TXK: variants seen among roughly 807,000 people sequenced by gnomAD.
TXK encodes the protein TXK tyrosine kinase.
Under a neutral mutation model 81.0 loss-of-function variants are expected in TXK, and 60 were observed. The ratio of observed to expected loss-of-function variants is 0.74; its 90% confidence interval spans 0.60 to 0.92. The LOEUF is 0.92. Ranked by LOEUF, TXK falls within the 40% of genes least tolerant of loss-of-function variation. The pLI, the probability that TXK is intolerant of heterozygous loss-of-function variation, is 0.00. For missense variants in TXK, 581 were observed against 638.3 expected, an observed-to-expected ratio of 0.91 and a Z score of 0.97; for synonymous variants, 203 against 210.7, an observed-to-expected ratio of 0.96 and a Z score of 0.32.
intron 9 of TXK, among the ~76,000 whole-genome samples, chr4:48,087,444 T>A (rs1567218): frequency 0.3 from 45,871 of 151,552 alleles, 8,162 homozygotes; most frequent in Admixed American, 0.39. Context: ...TATTATTATT[T>A]TTTTTTTTGG....
chr4:48,090,680 G>C (rs991742446), intron 8 of TXK, among the ~76,000 whole-genome samples: 1 of 152,210 alleles, frequency 6.6e-6, no homozygotes, highest in Non-Finnish European at 1.5e-5. Context: ...TAGGGAACAA[G>C]ACTGATGATT....
At chr4:48,076,580 C>A in intron 11 of TXK, 114 bp from the exon 12 acceptor site, 1 of 759,870 alleles carries the variant, frequency 1.3e-6, no homozygotes, top group Non-Finnish European at 2.2e-6. Context: ...TGTGTACCGC[C>A]AAGTCATTTT....
chr4:48,110,489 T>A, intron 5 of TXK, 49 bp downstream of exon 5: 1 of 1,412,694 alleles, frequency 7.1e-7, no homozygotes, highest in Non-Finnish European at 1.0e-6. Flanking sequence ...ACTTACAAGC[T>A]GCCAAAATGT....
chr4:48,110,450 T>C, intron 5 of TXK, 88 bp downstream of exon 5: 2 of 870,412 alleles, frequency 2.3e-6, no homozygotes, highest in Non-Finnish European at 3.7e-6. Flanking sequence ...TACTTTTTTT[T>C]CCTTCTACAG....
Position 48,073,994 on chromosome 4 carries a change from G to C in TXK, c.1298C>G (p.Ser433Cys). ...ATTGAAAAGAAAAACTTCAGGAGGG[G>C]ACCACTTGATTGGGAACTTGGCTCC... is the stretch of plus-strand genomic sequence containing the variant. ...SFGAKFPIKW[S>C]PPEVFLFNKY... Residue 433 changes from serine to cysteine, a missense_variant, in exon 13 of 15, where the codon TCC becomes TGC. By Grantham distance (112) the Ser-to-Cys change is moderately radical. Coordinates refer to ENST00000264316, the MANE Select transcript of TXK (RefSeq NM_003328.3). The C allele has an allele frequency of 6.2e-7, 1 of 1,613,856 alleles. No homozygotes were observed. The highest frequency in any genetic ancestry group is 1.1e-5 in the South Asian group (1 of 91,018).
At chr4:48,091,343 C>T (rs1285071128) in intron 8 of TXK, among the ~76,000 whole-genome samples, 2 of 152,058 alleles carry the variant, frequency 1.3e-5, no homozygotes, top group African/African-American at 4.8e-5. Context: ...GAGCAAAACT[C>T]AGGAGGTAGA....
chr4:48,068,859 A>C (rs762374904), intron 14 of TXK, among the ~76,000 whole-genome samples: 13 of 121,980 alleles, frequency 1.1e-4, no homozygotes, highest in Non-Finnish European at 2.2e-4. Flanking sequence ...AGAGCAGAAG[A>C]CAGCACAAGT....
intron 4 of TXK, among the ~76,000 whole-genome samples, chr4:48,111,936 T>C (rs1718644946): frequency 6.6e-6 from 1 of 152,258 alleles, no homozygotes; most frequent in Non-Finnish European, 1.5e-5. Context: ...AAAATACTAT[T>C]TCTGTTCTTA....
chr4:48,074,205 T>C (rs538104294), intron 12 of TXK, 152 bp from the exon 13 acceptor site: 1 of 574,122 alleles, frequency 1.7e-6, no homozygotes, highest in East Asian at 2.9e-5. Context: ...TGTGAAAGTG[T>C]CCCTGATAAT....
chr4:48,130,380 A>T (rs1224136445), intron 1 of TXK, among the ~76,000 whole-genome samples: 2 of 152,156 alleles, frequency 1.3e-5, no homozygotes, highest in East Asian at 3.9e-4. Flanking sequence ...GCCCAACCAG[A>T]GCTGGAGAAT....
At chr4:48,091,681 T>A (rs1055528788) in intron 8 of TXK, among the ~76,000 whole-genome samples, 1 of 152,058 alleles carries the variant, frequency 6.6e-6, no homozygotes, top group African/African-American at 2.4e-5. Flanking sequence ...AATTTTGTAT[T>A]TTTAGTAGAG....
intron 1 of TXK, among the ~76,000 whole-genome samples, chr4:48,123,655 T>C (rs1404597159): frequency 6.6e-6 from 1 of 152,198 alleles, no homozygotes; most frequent in African/African-American, 2.4e-5. Flanking sequence ...ATGAGGAATC[T>C]GAATCACAGA....
At chr4:48,069,961 A>G (rs1292148120) in intron 14 of TXK, among the ~76,000 whole-genome samples, 1 of 152,188 alleles carries the variant, frequency 6.6e-6, no homozygotes, top group Non-Finnish European at 1.5e-5. Flanking sequence ...GCATTTTTCT[A>G]TGTCTTTCAA....
chr4:48,078,009 C>T (rs1717136928), intron 11 of TXK, among the ~76,000 whole-genome samples: 1 of 152,134 alleles, frequency 6.6e-6, no homozygotes, highest in Admixed American at 6.5e-5. Flanking sequence ...ATATTGATGC[C>T]TGGGTTTCAG....
intron 6 of TXK, among the ~76,000 whole-genome samples, chr4:48,102,538 G>A (rs538949635): frequency 8.5e-5 from 13 of 152,294 alleles, no homozygotes; most frequent in African/African-American, 2.9e-4. Flanking sequence ...TTCACCACAA[G>A]AGCGTAAATT....
intron 10 of TXK, among the ~76,000 whole-genome samples, chr4:48,084,323 G>T (rs1277644727): frequency 6.6e-6 from 1 of 151,698 alleles, no homozygotes; most frequent in African/African-American, 2.4e-5. Flanking sequence ...CAAACTCCTA[G>T]GCTCAAGTGA....
intron 5 of TXK, among the ~76,000 whole-genome samples, chr4:48,105,738 T>C (rs1297847321): frequency 6.6e-6 from 1 of 152,120 alleles, no homozygotes; most frequent in Non-Finnish European, 1.5e-5. Context: ...ATACATGAAC[T>C]TGCCTCTAAC....
chr4:48,069,729 C>T (rs982189409), intron 14 of TXK, among the ~76,000 whole-genome samples: 9 of 152,310 alleles, frequency 5.9e-5, no homozygotes, highest in Admixed American at 3.9e-4. Context: ...GTCCTTCTGA[C>T]AGCATCCTAC....
intron 8 of TXK, among the ~76,000 whole-genome samples, chr4:48,092,144 C>A (rs73244485): frequency 0.023 from 3,525 of 152,248 alleles, 40 homozygotes; most frequent in African/African-American, 0.033. Flanking sequence ...TAAGATGAAG[C>A]ATCCTACTTC....
Sources: gnomAD v4.1 joint callset for allele counts (sites outside exome capture counted in the v4.1 genomes callset) on GRCh38, gnomAD v4.1.1 for gene constraint, MANE v1.5 for transcripts, NCBI Gene and HGNC (gene_info 2026-07-23, HGNC 2026-07-21) for gene names.